The following KIF14 variants were observed in gnomAD, a reference collection of about 807,000 sequenced individuals.
KIF14 encodes the protein kinesin family member 14.
KIF14 carries 98 observed loss-of-function variants against 176.2 expected under a neutral mutation model. The ratio of observed to expected loss-of-function variants is 0.56; its 90% CI spans 0.47 to 0.66. The LOEUF (loss-of-function observed/expected upper bound fraction) is 0.66, where lower values mean the gene tolerates loss of function less well. Ranked by LOEUF, KIF14 falls within the 30% of genes least tolerant of loss-of-function variation. The pLI is 0.00. For synonymous variants in KIF14, 566 were observed against 632.2 expected (o/e 0.90, Z 1.57); for missense variants, 1,751 against 1,920.4 (o/e 0.91, Z 1.65).
chr1:200,565,488 A>C lies in KIF14; in HGVS notation c.3843T>G (p.Ile1281Met). Residue 1281 changes from isoleucine to methionine, a missense_variant, in exon 24 of 30, where the codon ATT becomes ATG. Transcript: ENST00000367350. The stretch of plus-strand genomic sequence containing the variant: ...CATCTTGTTCTTCATGAGCCTTGGA[A>C]ATGGCAAATAGCCCATTATAAATTT... ...FLKIYNGLFAISKAHEEQDEE... is the reference protein window; with the variant it reads ...FLKIYNGLFAMSKAHEEQDEE... 6.2e-7 allele frequency: 1 copy of C among 1,607,014 alleles called. No homozygotes were observed. Among genetic ancestry groups the C allele is most frequent in the African/African-American group, 1.3e-5 (1 of 74,552 alleles).
chr1:200,556,807 G>T (rs1190459310), intron 27 of KIF14, among the ~76,000 whole-genome samples: 1 of 152,158 alleles, frequency 6.6e-6, no homozygotes, highest in Non-Finnish European at 1.5e-5. Flanking sequence ...GATAAATGGT[G>T]CTGCTGCTGA....
At chr1:200,561,801 A>G (rs1314255847) in intron 25 of KIF14, among the ~76,000 whole-genome samples, 1 of 152,114 alleles carries the variant, frequency 6.6e-6, no homozygotes, top group Non-Finnish European at 1.5e-5. Flanking sequence ...TAAAAGCCAA[A>G]AGAAAGAAAA....
rs1659834211 is a variant in KIF14, at chr1:200,605,474, T to C, written c.1639-84A>G. On this transcript the variant is annotated intron_variant, in intron 7 of 29. Transcript: ENST00000367350. ...ATTAAGAGAGACAACATATACACAT[T>C]TGTAATTCAGATCAGCAGACTGTAA... 9.0e-6 allele frequency: 8 copies of C among 893,608 alleles called. No individual in the cohort carries two copies. In the East Asian group the frequency reaches 2.1e-4, roughly 23 times the overall value. The allele number at this position is 893,608 out of a possible 1,614,324, so 55.4% of individuals were successfully genotyped here. A position where few individuals can be genotyped will look rare whatever the true frequency, so the allele number is the denominator to read the frequency against.
chr1:200,601,242 G>C (rs1007782359), intron 11 of KIF14, among the ~76,000 whole-genome samples: 2 of 152,116 alleles, frequency 1.3e-5, no homozygotes, highest in Admixed American at 6.6e-5. Flanking sequence ...ATCCAAAAGG[G>C]AAAGGATGGA....
At chr1:200,574,937 A>ATTTTT (rs35584654) in intron 22 of KIF14, among the ~76,000 whole-genome samples, 57 of 110,660 alleles carry the variant, frequency 5.2e-4, no homozygotes, top group African/African-American at 7.2e-4. Flanking sequence ...AGAAAGGGTA[A>ATTTTT]TTTTTTTTTT....
chr1:200,579,781 T>C (rs1658344324), intron 21 of KIF14, among the ~76,000 whole-genome samples: 3 of 152,126 alleles, frequency 2.0e-5, no homozygotes, highest in Admixed American at 6.6e-5. Context: ...AAAACTAATA[T>C]GTGCAGAGAT....
intron 28 of KIF14, 27 bp downstream of exon 28, chr1:200,555,353 T>C (rs1238503892): frequency 2.8e-6 from 4 of 1,407,348 alleles, no homozygotes; most frequent in African/African-American, 2.9e-5. Flanking sequence ...ATAAGCAAAA[T>C]TAAAATCAAT....
chr1:200,576,436 C>G (rs1022943252), intron 21 of KIF14, among the ~76,000 whole-genome samples: 4 of 149,574 alleles, frequency 2.7e-5, no homozygotes, highest in African/African-American at 9.9e-5. Flanking sequence ...CGAGATCGCG[C>G]CACTGCACTC....
rs1277136401 is a variant in KIF14 at position 200,600,413 on chromosome 1, A to G, written c.2243T>C (p.Ile748Thr). 3 of 1,613,840 alleles carry G rather than the reference A, an allele frequency of 1.9e-6. No individual in the cohort carries two copies. The highest frequency in any genetic ancestry group is 2.5e-6 in the Non-Finnish European group (3 of 1,179,810). The stretch of plus-strand genomic sequence containing the variant: ...ATGCAGTTTCATTCTTAAGGATGTT[A>G]TTTCTTGCCGACAGAGCCTGTATCG... ...PERYRLCRQE[I>T]TSLRMKLHQQ... The change falls in exon 12 of 30, where the codon ATA becomes ACA. Residue 748 changes from isoleucine (I) to threonine (T), a missense_variant. Coordinates refer to ENST00000367350, the MANE Select transcript of KIF14 (RefSeq NM_014875.3).
Position 200,552,657 on chromosome 1 carries a change from A to G in KIF14, c.*731T>C, listed in dbSNP as rs550105190. ...GAAACAGGAAGCTACACCCTTGAAC[A>G]TACTATTCAAAATGGCAACCAGTTA... is the stretch of plus-strand genomic sequence containing the variant. On this transcript the variant is annotated 3_prime_UTR_variant, in exon 30 of 30. Transcript: ENST00000367350. 3 of 152,214 alleles carry G rather than the reference A, an allele frequency of 2.0e-5. No homozygotes were observed. The highest frequency in any genetic ancestry group is 7.2e-5 in the African/African-American group (3 of 41,564). 9.4% of individuals were successfully genotyped at this position (152,214 alleles called of 1,614,324 possible). A position where few individuals can be genotyped will look rare whatever the true frequency, so the allele number is the denominator to read the frequency against.
intron 22 of KIF14, among the ~76,000 whole-genome samples, chr1:200,570,227 C>A (rs143870874): frequency 2.0e-5 from 3 of 152,288 alleles, no homozygotes; most frequent in Admixed American, 6.5e-5. Context: ...TGATTAAGCA[C>A]TACTATTTGC....
chr1:200,610,810 T>C (rs1660120375), intron 4 of KIF14, among the ~76,000 whole-genome samples: 1 of 152,060 alleles, frequency 6.6e-6, no homozygotes, highest in African/African-American at 2.4e-5. Flanking sequence ...AGGGAAAATT[T>C]AGGATGGCCA....
rs769175118 is a variant in KIF14, at chr1:200,551,983, A to G, written c.*1405T>C. On this transcript the variant is annotated 3_prime_UTR_variant, in exon 30 of 30. Transcript: ENST00000367350. ...AAAACACCACACAAGGTTCACTAAT[A>G]CTGTTCTGACTGCAATGACTGTATT... 6.6e-6 allele frequency: 1 copy of G among 152,224 alleles called. No homozygotes were observed. The highest frequency in any genetic ancestry group is 2.1e-4 in the South Asian group (1 of 4,832). The allele number at this position is 152,224 out of a possible 1,614,324, so 9.4% of individuals were successfully genotyped here. A position where few individuals can be genotyped will look rare whatever the true frequency, so the allele number is the denominator to read the frequency against.
chr1:200,582,101 C>T (rs1269673027), intron 19 of KIF14, among the ~76,000 whole-genome samples: 2 of 152,086 alleles, frequency 1.3e-5, no homozygotes, highest in Non-Finnish European at 2.9e-5. Flanking sequence ...TGACTGGGCA[C>T]AGTAGCTCAT....
chr1:200,553,923 T>C (rs4503381), intron 29 of KIF14, among the ~76,000 whole-genome samples, 156 bp from the exon 30 acceptor site: 1,523 of 152,298 alleles, frequency 0.01, 20 homozygotes, highest in African/African-American at 0.033. Context: ...GTTTATTTGC[T>C]AGATGAGCAC....
chr1:200,597,676 G>A (rs969280220), intron 14 of KIF14, among the ~76,000 whole-genome samples: 2 of 152,224 alleles, frequency 1.3e-5, no homozygotes, highest in Admixed American at 1.3e-4. Context: ...CTACAACCTA[G>A]TATCTCTACT....
chr1:200,605,224 G>C (rs574454132), intron 8 of KIF14, 59 bp downstream of exon 8: 1 of 1,451,262 alleles, frequency 6.9e-7, no homozygotes, highest in East Asian at 2.3e-5. Flanking sequence ...AAAATACCTT[G>C]GTCTGGGTTA....
chr1:200,567,585 A>C (rs1368202686), intron 23 of KIF14, among the ~76,000 whole-genome samples: 1 of 151,910 alleles, frequency 6.6e-6, no homozygotes, highest in Non-Finnish European at 1.5e-5. Context: ...TTAATACAGC[A>C]CATCTGTGAG....
intron 14 of KIF14, among the ~76,000 whole-genome samples, chr1:200,595,792 C>T (rs780148031): frequency 6.6e-6 from 1 of 150,564 alleles, no homozygotes; most frequent in African/African-American, 2.4e-5. Context: ...ACTAAAAATA[C>T]AAAAAACTAG....
Sources: allele counts gnomAD v4.1 joint callset (sites outside exome capture counted in the v4.1 genomes callset), GRCh38; gene constraint gnomAD v4.1.1; transcripts MANE v1.5; gene names NCBI Gene and HGNC (gene_info 2026-07-23, HGNC 2026-07-21).